ZFPM2: variants seen among roughly 807,000 people sequenced by gnomAD.
ZFPM2 encodes the protein zinc finger protein ZFPM2.
Under a neutral mutation model 98.6 loss-of-function variants are expected in ZFPM2, and 20 were observed. The observed-to-expected ratio is 0.20, with a 90% CI of 0.14 to 0.29. The LOEUF is 0.29. Among genes scored for constraint, ZFPM2 ranks in the 10% least tolerant of loss-of-function variants. The probability of loss-of-function intolerance (pLI) is 1.00; values close to 1 mark genes in which losing one functional copy is unlikely to be tolerated. For synonymous variants in ZFPM2, 518 were observed against 502.7 expected (o/e 1.03, Z -0.41); for missense variants, 1,310 against 1,388.6 (o/e 0.94, Z 0.90).
chr8:105,530,666 G>T (rs1814278810), intron 3 of ZFPM2, among the ~76,000 whole-genome samples: 1 of 151,988 alleles, frequency 6.6e-6, no homozygotes, highest in Admixed American at 6.6e-5. Context: ...ATTGGATTAG[G>T]GTCTACCCTT....
chr8:105,541,240 T>G (rs1814569490), intron 3 of ZFPM2, among the ~76,000 whole-genome samples: 1 of 152,158 alleles, frequency 6.6e-6, no homozygotes, highest in African/African-American at 2.4e-5. Flanking sequence ...ATTATACTAT[T>G]TAATTATTAC....
intron 1 of ZFPM2, chr8:105,319,792 G>T (rs1359058046): frequency 6.6e-6 from 1 of 152,180 alleles, no homozygotes; most frequent in African/African-American, 2.4e-5. Flanking sequence ...GGAGTGCATG[G>T]CCCTGAGCCC....
chr8:105,543,343 T>C (rs1256298871), intron 3 of ZFPM2, among the ~76,000 whole-genome samples: 1 of 152,018 alleles, frequency 6.6e-6, no homozygotes, highest in Non-Finnish European at 1.5e-5. Flanking sequence ...AAAATTAGCC[T>C]AGCTTGATGG....
chr8:105,571,431 T>C (rs879471957), intron 4 of ZFPM2, among the ~76,000 whole-genome samples: 20 of 152,242 alleles, frequency 1.3e-4, no homozygotes, highest in Admixed American at 3.3e-4. Context: ...AATGTAGTTT[T>C]CCCTGGAGGG....
chr8:105,691,339 C>A (rs1200102331), intron 5 of ZFPM2, among the ~76,000 whole-genome samples: 2 of 125,110 alleles, frequency 1.6e-5, no homozygotes, highest in East Asian at 4.3e-4. Context: ...AGCTCCGCTT[C>A]CCGGGTTCAC....
intron 3 of ZFPM2, among the ~76,000 whole-genome samples, chr8:105,558,736 G>T (rs34826779): frequency 0.28 from 42,844 of 151,932 alleles, 6,091 homozygotes; most frequent in South Asian, 0.34. Flanking sequence ...AGATTCTCAT[G>T]ATTCCTCTGG....
intron 1 of ZFPM2, among the ~76,000 whole-genome samples, chr8:105,415,741 A>G (rs557602762): frequency 2.3e-4 from 35 of 152,142 alleles, no homozygotes; most frequent in Non-Finnish European, 3.4e-4. Flanking sequence ...ATCTTAAACC[A>G]TAAATATTAT....
intron 5 of ZFPM2, among the ~76,000 whole-genome samples, chr8:105,663,602 G>A (rs895055294): frequency 3.3e-5 from 5 of 152,056 alleles, no homozygotes; most frequent in Non-Finnish European, 7.4e-5. Context: ...ACTTAACACT[G>A]ATGAAGCATA....
chr8:105,735,134 A>G (rs997695166), intron 5 of ZFPM2, among the ~76,000 whole-genome samples: 1 of 148,282 alleles, frequency 6.7e-6, no homozygotes, highest in Non-Finnish European at 1.5e-5. Context: ...TAATGTATCT[A>G]CATCTATAAT....
chr8:105,587,169 C>T (rs1369438403), intron 4 of ZFPM2, among the ~76,000 whole-genome samples: 9 of 148,880 alleles, frequency 6.0e-5, no homozygotes, highest in Admixed American at 2.0e-4. Flanking sequence ...CCCAGCTACT[C>T]GGGAGGCTGA....
intron 5 of ZFPM2, among the ~76,000 whole-genome samples, chr8:105,741,799 C>T (rs1349595911): frequency 6.6e-6 from 1 of 152,022 alleles, no homozygotes; most frequent in Non-Finnish European, 1.5e-5. Flanking sequence ...TTTCCTTCAG[C>T]TAGTGCACTG....
intron 3 of ZFPM2, among the ~76,000 whole-genome samples, chr8:105,553,186 G>A (rs10093110): frequency 0.46 from 69,561 of 151,700 alleles, 16,548 homozygotes; most frequent in African/African-American, 0.6. Flanking sequence ...CACATATTTC[G>A]TCTTCTCTAT....
At chr8:105,377,092 C>G (rs991474981) in intron 1 of ZFPM2, among the ~76,000 whole-genome samples, 7 of 152,048 alleles carry the variant, frequency 4.6e-5, no homozygotes, top group Non-Finnish European at 1.0e-4. Context: ...GGCTGTTCAC[C>G]CTGTCTTGAA....
Position 105,799,069 on chromosome 8 carries a change from A to G in ZFPM2, c.964+121A>G, listed in dbSNP as rs143836292. 40 of 928,648 alleles carry G rather than the reference A, an allele frequency of 4.3e-5. No homozygotes were observed. In the East Asian group the frequency reaches 1.0e-3, roughly 23 times the overall value. 57.5% of individuals were successfully genotyped at this position (928,648 alleles called of 1,614,324 possible). On this transcript the variant is annotated intron_variant, in intron 7 of 7. Transcript: ENST00000407775. ...TGTAGCTATCTATAACATCAAAATC[A>G]AACTTTCTGGGTCAACCAGTGTGAT...
At chr8:105,384,453 G>T (rs1334892854) in intron 1 of ZFPM2, among the ~76,000 whole-genome samples, 3 of 151,938 alleles carry the variant, frequency 2.0e-5, no homozygotes, top group Admixed American at 2.0e-4. Flanking sequence ...TTCCCCAGTA[G>T]GCTCATTAAT....
chr8:105,790,393 T>C lies in ZFPM2; in HGVS notation c.739+1469T>C, dbSNP rs553266469. Among the ~76,000 whole-genome samples the C allele has an allele frequency of 1.5e-4, 23 of 152,358 alleles. No individual in the cohort carries two copies. The South Asian group carries it at 4.4e-3, about 29-fold the overall frequency. On this transcript the variant is annotated intron_variant, in intron 6 of 7. Coordinates refer to ENST00000407775, the MANE Select transcript of ZFPM2 (RefSeq NM_012082.4). ...TGAGGTTTGTCAAAGATCAGATAGA[T>C]AGTTGTAGATATGCGGCATTATTTC... is the stretch of plus-strand genomic sequence containing the variant.
intron 1 of ZFPM2, among the ~76,000 whole-genome samples, chr8:105,350,136 A>G (rs1812613594): frequency 6.6e-6 from 1 of 152,206 alleles, no homozygotes; most frequent in Non-Finnish European, 1.5e-5. Context: ...AAAATATTTT[A>G]AATTTGGCAT....
At chr8:105,383,328 C>G (rs1191503134) in intron 1 of ZFPM2, among the ~76,000 whole-genome samples, 1 of 152,134 alleles carries the variant, frequency 6.6e-6, no homozygotes, top group African/African-American at 2.4e-5. Context: ...GTTGAATTTA[C>G]TTAGCAGACC....
intron 3 of ZFPM2, among the ~76,000 whole-genome samples, chr8:105,476,400 TATGA>T (rs1477281128): frequency 1.3e-5 from 2 of 152,290 alleles, no homozygotes; most frequent in Admixed American, 6.5e-5. Context: ...GCACGCTCCT[TATGA>T]TAATCTAACT....
Sources: gnomAD v4.1 joint callset for allele counts (sites outside exome capture counted in the v4.1 genomes callset) on GRCh38, gnomAD v4.1.1 for gene constraint, MANE v1.5 for transcripts, NCBI Gene and HGNC (gene_info 2026-07-23, HGNC 2026-07-21) for gene names.